Variants in COL21A1 observed in about 807,000 individuals in gnomAD.
The protein encoded by COL21A1 is collagen type XXI alpha 1 chain, also known as collagen alpha-1(XXI) chain.
Under a neutral mutation model 137.9 loss-of-function variants are expected in COL21A1, and 149 were observed. The observed-to-expected ratio is 1.08, with a 90% confidence interval of 0.95 to 1.24. The LOEUF (loss-of-function observed/expected upper bound fraction) is 1.24. Among genes scored for constraint, COL21A1 ranks in the 50% most tolerant of loss-of-function variants. The pLI, the probability that COL21A1 is intolerant of heterozygous loss-of-function variation, is 0.00. For missense variants in COL21A1, 1,167 were observed against 1,158.4 expected, an observed-to-expected ratio of 1.01 and a Z score of -0.11; for synonymous variants, 456 against 391.5, an observed-to-expected ratio of 1.16 and a Z score of -1.95.
intron 23 of COL21A1, among the ~76,000 whole-genome samples, chr6:56,064,839 G>A (rs1306944236): frequency 6.6e-6 from 1 of 152,036 alleles, no homozygotes; most frequent in East Asian, 1.9e-4. Flanking sequence ...ACAGAGATAA[G>A]GAACAAATTA....
intron 1 of COL21A1, among the ~76,000 whole-genome samples, chr6:56,359,580 T>C (rs2152348209): frequency 6.6e-6 from 1 of 152,300 alleles, no homozygotes; most frequent in South Asian, 2.1e-4. Flanking sequence ...TATGAGGCAA[T>C]CGGACATCTG....
chr6:56,201,270 T>C lies in COL21A1; in HGVS notation c.-38-18614A>G, dbSNP rs546616133. Among the ~76,000 whole-genome samples the C allele has an allele frequency of 8.2e-3, 1,246 of 152,292 alleles. 21 individuals are homozygous for C. Among genetic ancestry groups the C allele is most frequent in the African/African-American group, 0.029 (1,202 of 41,558 alleles). ...TCTGTAGGTTGCCTGTTCACTCTGA[T>C]GGTAGTTTCTTTTGCTGTGCAGAAG... On this transcript the variant is annotated intron_variant, in intron 1 of 29. Coordinates refer to ENST00000244728, the MANE Select transcript of COL21A1 (RefSeq NM_030820.4).
chr6:56,130,758 T>A (rs1773495776), intron 12 of COL21A1, among the ~76,000 whole-genome samples: 1 of 151,706 alleles, frequency 6.6e-6, no homozygotes, highest in South Asian at 2.1e-4. Context: ...TAAATCAGTG[T>A]GAGAGAGAGA....
chr6:56,306,769 G>GAT (rs2152338623), intron 1 of COL21A1, among the ~76,000 whole-genome samples: 1 of 53,094 alleles, frequency 1.9e-5, no homozygotes, highest in South Asian at 1.9e-3. Context: ...TTCCGTTGCT[G>GAT]GTGCATTCCT....
intron 1 of COL21A1, among the ~76,000 whole-genome samples, chr6:56,331,357 C>T (rs1765220441): frequency 6.6e-6 from 1 of 151,660 alleles, no homozygotes; most frequent in African/African-American, 2.4e-5. Flanking sequence ...CTTTCTTAGG[C>T]CAATGTCCAG....
intron 1 of COL21A1, among the ~76,000 whole-genome samples, chr6:56,339,391 A>G (rs1410358097): frequency 1.3e-5 from 2 of 152,128 alleles, no homozygotes; most frequent in Non-Finnish European, 2.9e-5. Flanking sequence ...TACTACCCTT[A>G]TTATTTTGCT....
rs3065909 is a variant in COL21A1 at position 56,129,699 on chromosome 6, T to TGA, written c.1543-3552_1543-3551dup. 7.2e-3 allele frequency among the ~76,000 whole-genome samples: 863 copies of TGA among 120,498 alleles called. 9 individuals are homozygous for TGA. The highest frequency in any genetic ancestry group is 0.021 in the African/African-American group (687 of 32,360). The allele number at this position is 120,498 out of a possible 152,430, so 79.1% of individuals were successfully genotyped here. ...GCGTGTGTGTGTGTGTGTGTGTGTG[T>TGA]GAGAGAGAGAGAGAGAGAGAGAGAC... On this transcript the variant is annotated intron_variant, in intron 12 of 29. Coordinates refer to ENST00000244728, the MANE Select transcript of COL21A1 (RefSeq NM_030820.4).
Position 56,392,391 on chromosome 6 carries a change from C to T in COL21A1, c.-39+1580G>A, listed in dbSNP as rs147629965. Among the ~76,000 whole-genome samples the T allele has an allele frequency of 3.4e-3, 520 of 152,122 alleles. 2 individuals carry two copies. Among genetic ancestry groups the T allele is most frequent in the African/African-American group, 0.012 (495 of 41,524 alleles). ...GACAAACTCATAGCTAGTATCATAT[C>T]GAAGGGGGAAAAACTGAAAGCCTTT... On this transcript the variant is annotated intron_variant, in intron 1 of 28. Transcript: ENST00000370819.
Position 56,384,483 on chromosome 6 carries a change from A to G in COL21A1, c.-39+9488T>C, listed in dbSNP as rs60490077. 8.3e-3 allele frequency among the ~76,000 whole-genome samples: 1,264 copies of G among 152,346 alleles called. 9 individuals are homozygous for G. The highest frequency in any genetic ancestry group is 0.029 in the African/African-American group (1,213 of 41,576). The stretch of plus-strand genomic sequence containing the variant: ...AGGCTTTAGGAAAAGAAAAGCCAGG[A>G]AGATAAATTCTTACTGACAACTTCT... On this transcript the variant is annotated intron_variant, in intron 1 of 28. Coordinates refer to the COL21A1 transcript ENST00000370819.
At chr6:56,340,891 G>A (rs1765453101) in intron 1 of COL21A1, among the ~76,000 whole-genome samples, 1 of 152,198 alleles carries the variant, frequency 6.6e-6, no homozygotes, top group Non-Finnish European at 1.5e-5. Flanking sequence ...AGCCCAAGGT[G>A]TCAGCAAGTG....
chr6:56,155,126 G>A (rs1488403820), intron 10 of COL21A1, among the ~76,000 whole-genome samples: 1 of 152,030 alleles, frequency 6.6e-6, no homozygotes, highest in Non-Finnish European at 1.5e-5. Flanking sequence ...GCGTCCATAT[G>A]TTTTCATGAT....
intron 1 of COL21A1, among the ~76,000 whole-genome samples, chr6:56,264,732 T>C (rs1763357156): frequency 6.6e-6 from 1 of 152,214 alleles, no homozygotes; most frequent in African/African-American, 2.4e-5. Flanking sequence ...TTCTGTTTCA[T>C]ACCATTCTCC....
intron 1 of COL21A1, among the ~76,000 whole-genome samples, chr6:56,284,593 T>A (rs1395697827): frequency 6.6e-6 from 1 of 152,092 alleles, no homozygotes; most frequent in Admixed American, 6.5e-5. Context: ...AGCAGTGTCT[T>A]CCCCTTCCCA....
At chr6:56,275,973 A>G (rs2152333160) in intron 1 of COL21A1, among the ~76,000 whole-genome samples, 1 of 152,324 alleles carries the variant, frequency 6.6e-6, no homozygotes, top group South Asian at 2.1e-4. Context: ...GAATCAATCT[A>G]GTGCCCATTA....
chr6:56,293,742 T>C (rs748713082), intron 1 of COL21A1, among the ~76,000 whole-genome samples: 4 of 152,096 alleles, frequency 2.6e-5, no homozygotes, highest in African/African-American at 4.8e-5. Flanking sequence ...CTATGAAAAA[T>C]TTATGATGAA....
chr6:56,086,142 T>G (rs1768220925), intron 17 of COL21A1, among the ~76,000 whole-genome samples: 2 of 152,174 alleles, frequency 1.3e-5, no homozygotes, highest in South Asian at 4.1e-4. Flanking sequence ...TTAAAAACCA[T>G]TACATATACA....
chr6:56,225,038 G>GA lies in COL21A1; in HGVS notation c.-39+22348dup, dbSNP rs144784570. Among the ~76,000 whole-genome samples, 1,260 of 151,404 alleles carry GA rather than the reference G, an allele frequency of 8.3e-3. 21 individuals carry two copies. The highest frequency in any genetic ancestry group is 0.029 in the African/African-American group (1,214 of 41,342). ...GAAAAACAAAATTCTGACCCTCCAG[G>GA]AAAAAAAAGTCAGAAAAGATTGCCC... is the stretch of plus-strand genomic sequence containing the variant. On this transcript the variant is annotated intron_variant, in intron 1 of 29. Transcript: ENST00000244728.
At chr6:56,173,317 G>A (rs1777206760) in intron 3 of COL21A1, among the ~76,000 whole-genome samples, 3 of 151,830 alleles carry the variant, frequency 2.0e-5, no homozygotes, top group South Asian at 4.2e-4. Context: ...GGTTGAAGCT[G>A]CAGTGAGCTA....
chr6:56,391,379 T>C lies in COL21A1; in HGVS notation c.-39+2592A>G, dbSNP rs932497538. The stretch of plus-strand genomic sequence containing the variant: ...ACTTCAAACAAATAACAATGCATCA[T>C]AAAGTACTAGAAAAGCAAAGCAAAT... On this transcript the variant is annotated intron_variant, in intron 1 of 28. Coordinates refer to the COL21A1 transcript ENST00000370819. Among the ~76,000 whole-genome samples the C allele has an allele frequency of 2.6e-5, 4 of 151,864 alleles. No homozygotes were observed. The East Asian group carries it at 7.7e-4, about 29-fold the overall frequency.
Sources: allele counts gnomAD v4.1 joint callset (sites outside exome capture counted in the v4.1 genomes callset), GRCh38; gene constraint gnomAD v4.1.1; transcripts MANE v1.5; gene names NCBI Gene and HGNC (gene_info 2026-07-23, HGNC 2026-07-21).